Variants in FHIT observed in about 807,000 individuals in gnomAD.
FHIT encodes fragile histidine triad diadenosine triphosphatase, also known as bis(5'-adenosyl)-triphosphatase.
In FHIT, 19 loss-of-function variants were observed where a neutral mutation model predicts 17.9. The ratio of observed to expected loss-of-function variants is 1.06; its 90% CI spans 0.74 to 1.56. FHIT has a LOEUF of 1.56. Ranked by LOEUF, FHIT falls within the 40% of genes most tolerant of loss-of-function variation. The pLI is 0.00. For synonymous variants in FHIT, 81 were observed against 69.7 expected, an observed-to-expected ratio of 1.16 and a Z score of -0.81; for missense variants, 248 against 189.2, an observed-to-expected ratio of 1.31 and a Z score of -1.82.
chr3:60,444,750 C>T (rs552687788), intron 5 of FHIT, among the ~76,000 whole-genome samples: 40 of 151,562 alleles, frequency 2.6e-4, no homozygotes, highest in African/African-American at 8.5e-4. Context: ...TGCTGAATGA[C>T]GAGTTAATGG....
intron 3 of FHIT, among the ~76,000 whole-genome samples, chr3:61,026,691 T>C (rs758382196): frequency 1.3e-5 from 2 of 152,140 alleles, no homozygotes; most frequent in Non-Finnish European, 2.9e-5. Flanking sequence ...TTGCCGTTAG[T>C]GTATTTTATG....
At chr3:61,208,314 C>T (rs539402569) in intron 1 of FHIT, among the ~76,000 whole-genome samples, 4 of 151,898 alleles carry the variant, frequency 2.6e-5, no homozygotes, top group African/African-American at 7.2e-5. Flanking sequence ...GGAGAGTTCT[C>T]TAGATGTCTA....
intron 3 of FHIT, among the ~76,000 whole-genome samples, chr3:60,893,458 T>C (rs900337767): frequency 6.6e-6 from 1 of 152,228 alleles, no homozygotes; most frequent in African/African-American, 2.4e-5. Flanking sequence ...AGATTTTTCC[T>C]ACACTTTAAA....
At chr3:60,372,522 C>T (rs186085873) in intron 5 of FHIT, among the ~76,000 whole-genome samples, 5 of 152,176 alleles carry the variant, frequency 3.3e-5, no homozygotes, top group Non-Finnish European at 7.3e-5. Flanking sequence ...GAATCTCCAA[C>T]ACATGCCCAC....
intron 5 of FHIT, among the ~76,000 whole-genome samples, chr3:60,137,826 C>A (rs75221616): frequency 6.6e-6 from 1 of 151,652 alleles, no homozygotes; most frequent in African/African-American, 2.4e-5. Flanking sequence ...AGTGACAACA[C>A]AAAGTGTAAA....
At chr3:60,798,908 C>T (rs1301380387) in intron 4 of FHIT, among the ~76,000 whole-genome samples, 2 of 151,374 alleles carry the variant, frequency 1.3e-5, no homozygotes, top group East Asian at 2.0e-4. Flanking sequence ...CAGGTGTGCA[C>T]CACCACGCCC....
chr3:59,825,650 G>A (rs1405843802), intron 8 of FHIT, among the ~76,000 whole-genome samples: 2 of 152,172 alleles, frequency 1.3e-5, no homozygotes. Flanking sequence ...ATCAGGCTTT[G>A]AATGAAGGCC....
intron 4 of FHIT, among the ~76,000 whole-genome samples, chr3:60,793,140 G>C (rs575761137): frequency 6.6e-6 from 1 of 152,160 alleles, no homozygotes; most frequent in African/African-American, 2.4e-5. Context: ...TGGTGTCTCA[G>C]TATCATTTGA....
At chr3:60,594,493 C>A (rs1172879093) in intron 4 of FHIT, among the ~76,000 whole-genome samples, 1 of 152,096 alleles carries the variant, frequency 6.6e-6, no homozygotes, top group Non-Finnish European at 1.5e-5. Flanking sequence ...GCATCCAACA[C>A]AGGACCAACC....
At chr3:60,919,853 G>A (rs1383837777) in intron 3 of FHIT, among the ~76,000 whole-genome samples, 2 of 152,114 alleles carry the variant, frequency 1.3e-5, no homozygotes, top group Admixed American at 1.3e-4. Context: ...GGCCAACATG[G>A]TGAAACCCCA....
chr3:60,397,278 TAGG>T (rs2107176535), intron 5 of FHIT, among the ~76,000 whole-genome samples: 1 of 152,206 alleles, frequency 6.6e-6, no homozygotes, highest in East Asian at 1.9e-4. Context: ...ATTAGACACC[TAGG>T]AGATTACTGG....
chr3:60,141,711 T>A (rs936913514), intron 5 of FHIT, among the ~76,000 whole-genome samples: 8 of 152,142 alleles, frequency 5.3e-5, no homozygotes, highest in Non-Finnish European at 8.8e-5. Context: ...TTTGAGCAGG[T>A]GTTTGGAATT....
intron 4 of FHIT, among the ~76,000 whole-genome samples, chr3:60,789,311 G>A (rs1001225403): frequency 9.2e-5 from 14 of 151,962 alleles, no homozygotes; most frequent in African/African-American, 3.4e-4. Context: ...GAGGTCAAGA[G>A]ATCGATACCA....
chr3:60,748,981 T>C (rs912530155), intron 4 of FHIT, among the ~76,000 whole-genome samples: 1 of 152,214 alleles, frequency 6.6e-6, no homozygotes, highest in Admixed American at 6.5e-5. Flanking sequence ...TGATCCACTG[T>C]TAATTGAACC....
intron 4 of FHIT, among the ~76,000 whole-genome samples, chr3:60,624,398 A>G (rs1315797744): frequency 1.3e-5 from 2 of 152,178 alleles, no homozygotes; most frequent in Admixed American, 1.3e-4. Flanking sequence ...GCTGGTGTGG[A>G]TTTGAATGGA....
chr3:60,319,671 A>C (rs1709329108), intron 5 of FHIT, among the ~76,000 whole-genome samples: 1 of 152,166 alleles, frequency 6.6e-6, no homozygotes, highest in East Asian at 1.9e-4. Context: ...AGCCCAACTC[A>C]AACAGCAGCA....
intron 4 of FHIT, among the ~76,000 whole-genome samples, chr3:60,747,155 C>T (rs1454470048): frequency 6.6e-6 from 1 of 152,008 alleles, no homozygotes; most frequent in Non-Finnish European, 1.5e-5. Context: ...TCTACTTCCC[C>T]TCTGTGTATG....
intron 8 of FHIT, among the ~76,000 whole-genome samples, chr3:59,817,295 T>C (rs530665383): frequency 4.6e-5 from 7 of 152,222 alleles, no homozygotes; most frequent in Admixed American, 2.0e-4. Context: ...AGAAAATCAA[T>C]TGGCAAAAGA....
intron 5 of FHIT, among the ~76,000 whole-genome samples, chr3:60,022,434 A>T (rs1048553446): frequency 6.6e-6 from 1 of 152,198 alleles, no homozygotes; most frequent in Non-Finnish European, 1.5e-5. Context: ...AGCGAAAATG[A>T]TATACGTCAC....
Sources: gnomAD v4.1 joint callset for allele counts (sites outside exome capture counted in the v4.1 genomes callset) on GRCh38, gnomAD v4.1.1 for gene constraint, MANE v1.5 for transcripts, NCBI Gene and HGNC (gene_info 2026-07-23, HGNC 2026-07-21) for gene names.